The following SF3B6 variants were observed in gnomAD, a reference collection of about 807,000 sequenced individuals.
SF3B6 encodes the protein splicing factor 3b subunit 6.
In SF3B6, 3 loss-of-function variants were observed where a neutral mutation model predicts 15.9. The observed-to-expected ratio is 0.19, with a 90% CI of 0.09 to 0.49. The LOEUF (loss-of-function observed/expected upper bound fraction) is 0.49. Among genes scored for constraint, SF3B6 ranks in the 20% least tolerant of loss-of-function variants. SF3B6 has a pLI of 0.97. For missense variants in SF3B6, 71 were observed against 154.3 expected, an observed-to-expected ratio of 0.46 and a Z score of 2.86; for synonymous variants, 49 against 51.1, an observed-to-expected ratio of 0.96 and a Z score of 0.18.
In SF3B6 at chr2:24,072,555, A is replaced by G. The variant is rs111713272; in HGVS notation, c.149+1521T>C. ...AAAGTACCTTCACAGACACTGTGTA[A>G]TTTCATCCAAATTAAAATTCTTTTA... On this transcript the variant is annotated intron_variant, in intron 2 of 3. Coordinates refer to ENST00000233468, the MANE Select transcript of SF3B6 (RefSeq NM_016047.4). 2.1e-3 allele frequency among the ~76,000 whole-genome samples: 319 copies of G among 152,356 alleles called. 1 individual carries two copies. The highest frequency in any genetic ancestry group is 7.4e-3 in the African/African-American group (308 of 41,586).
chr2:24,068,527 C>G, intron 2 of SF3B6, 68 bp from the exon 3 acceptor site: 1 of 1,412,734 alleles, frequency 7.1e-7, no homozygotes, highest in Non-Finnish European at 9.6e-7. Context: ...ACTTACAGAA[C>G]TGTCTTTTAA....
At chr2:24,072,845 G>T (rs13421574) in intron 2 of SF3B6, among the ~76,000 whole-genome samples, 17,787 of 152,234 alleles carry the variant, frequency 0.12, 1,243 homozygotes, top group South Asian at 0.18. Flanking sequence ...GATCCCCAAG[G>T]CAGGGATTCG....
intron 2 of SF3B6, among the ~76,000 whole-genome samples, chr2:24,071,442 T>C (rs956682575): frequency 2.0e-5 from 3 of 152,018 alleles, no homozygotes; most frequent in South Asian, 2.1e-4. Flanking sequence ...CCATCTCTAC[T>C]AAAAATACAA....
chr2:24,070,955 A>C (rs1385389026), intron 2 of SF3B6, among the ~76,000 whole-genome samples: 1 of 152,218 alleles, frequency 6.6e-6, no homozygotes, highest in Non-Finnish European at 1.5e-5. Context: ...ATATTCAGGC[A>C]GTAGAAAGAC....
rs749047644 is a variant in SF3B6 at position 24,068,472 on chromosome 2, G to C, written c.150-13C>G. On this transcript the variant is annotated splice_polypyrimidine_tract_variant and intron_variant, in intron 2 of 3. Coordinates refer to ENST00000233468, the MANE Select transcript of SF3B6 (RefSeq NM_016047.4). ...AGGTGTGTTCCCCCTGGAGAGGTAA[G>C]TTAAACTTAATTAAGATATACATTT... is the stretch of plus-strand genomic sequence containing the variant. 1.3e-6 allele frequency: 2 copies of C among 1,597,992 alleles called. No individual in the cohort carries two copies. The highest frequency in any genetic ancestry group is 1.7e-6 in the Non-Finnish European group (2 of 1,172,484).
intron 2 of SF3B6, among the ~76,000 whole-genome samples, chr2:24,071,301 T>G (rs926807230): frequency 2.0e-5 from 3 of 152,200 alleles, no homozygotes; most frequent in African/African-American, 4.8e-5. Flanking sequence ...CTGAAATAAT[T>G]ATAAATCTTA....
intron 2 of SF3B6, among the ~76,000 whole-genome samples, chr2:24,073,226 T>C (rs1465133972): frequency 6.6e-6 from 1 of 152,214 alleles, no homozygotes; most frequent in African/African-American, 2.4e-5. Context: ...ATAAAAACTT[T>C]ATACGTAGTC....
rs976017132 is a variant in SF3B6, at chr2:24,067,687, G to T, written c.*75C>A. ...CTCAAATAAGAAATCACAATATTTAGTATTAATTAAAAAGGAAAAAAAGGT... is the reference window on the plus strand; with the variant it reads ...CTCAAATAAGAAATCACAATATTTATTATTAATTAAAAAGGAAAAAAAGGT... On this transcript the variant is annotated 3_prime_UTR_variant, in exon 4 of 4. Transcript: ENST00000233468. 1 of 1,168,050 alleles carries T rather than the reference G, an allele frequency of 8.6e-7. No homozygotes were observed. The highest frequency in any genetic ancestry group is 1.5e-5 in the African/African-American group (1 of 65,248). The allele number at this position is 1,168,050 out of a possible 1,614,324, so 72.4% of individuals were successfully genotyped here.
chr2:24,068,206 G>A lies in SF3B6; in HGVS notation c.288+115C>T, dbSNP rs181138731. ...TCTCGATCTCCTGACCTCGTGATCC[G>A]CCCACCTCGGCCTCCCAAAATGCTG... is the stretch of plus-strand genomic sequence containing the variant. On this transcript the variant is annotated intron_variant, in intron 3 of 3. Coordinates refer to ENST00000233468, the MANE Select transcript of SF3B6 (RefSeq NM_016047.4). 3.7e-4 allele frequency: 372 copies of A among 992,550 alleles called. 1 individual carries two copies. The African/African-American group carries it at 5.0e-3, about 13-fold the overall frequency. The allele number at this position is 992,550 out of a possible 1,614,324, so 61.5% of individuals were successfully genotyped here. A position where few individuals can be genotyped will look rare whatever the true frequency, so the allele number is the denominator to read the frequency against.
chr2:24,075,649 G>C (rs891253556), intron 1 of SF3B6, among the ~76,000 whole-genome samples: 7 of 151,692 alleles, frequency 4.6e-5, no homozygotes, highest in African/African-American at 1.7e-4. Context: ...AGAAGGACTT[G>C]TTTTATTCAC....
intron 2 of SF3B6, 53 bp downstream of exon 2, chr2:24,074,023 C>G (rs1208472692): frequency 5.1e-6 from 6 of 1,174,132 alleles, no homozygotes; most frequent in Non-Finnish European, 7.7e-6. Context: ...AGCTATAATT[C>G]TGAAATTACA....
chr2:24,068,738 T>A (rs937990603), intron 2 of SF3B6, among the ~76,000 whole-genome samples: 3 of 152,258 alleles, frequency 2.0e-5, no homozygotes, highest in Non-Finnish European at 4.4e-5. Flanking sequence ...ACATCAGGAA[T>A]ACTAAGAACA....
intron 2 of SF3B6, among the ~76,000 whole-genome samples, chr2:24,070,053 ACT>A (rs1316467294): frequency 1.3e-5 from 2 of 151,994 alleles, no homozygotes; most frequent in African/African-American, 2.4e-5. Flanking sequence ...AAACAAAGCA[ACT>A]CTCTTTCTTC....
chr2:24,067,710 G>C lies in SF3B6; in HGVS notation c.*52C>G, dbSNP rs962093824. 1 of 1,417,998 alleles carries C rather than the reference G, an allele frequency of 7.1e-7. No individual in the cohort carries two copies. The highest frequency in any genetic ancestry group is 1.2e-5 in the South Asian group (1 of 82,498). The allele number at this position is 1,417,998 out of a possible 1,614,324, so 87.8% of individuals were successfully genotyped here. On this transcript the variant is annotated 3_prime_UTR_variant, in exon 4 of 4. Coordinates refer to ENST00000233468, the MANE Select transcript of SF3B6 (RefSeq NM_016047.4). The stretch of plus-strand genomic sequence containing the variant: ...TAGTATTAATTAAAAAGGAAAAAAA[G>C]GTGGTAGTTGTCATTCGTGGGATTT...
rs1186221593 is a variant in SF3B6, at chr2:24,075,334, TTTC to T, written c.30+863_30+865del. Among the ~76,000 whole-genome samples the T allele has an allele frequency of 3.0e-4, 7 of 23,224 alleles. No homozygotes were observed. The East Asian group carries it at 0.041, about 136-fold the overall frequency. 15.2% of individuals were successfully genotyped at this position (23,224 alleles called of 152,430 possible). ...ATATACAATGGTCAATTGCTTGTCT[TTTC>T]TTTCTTTCTTTCTTTCTTTCTGTTT... On this transcript the variant is annotated intron_variant, in intron 1 of 3. Transcript: ENST00000233468.
intron 2 of SF3B6, among the ~76,000 whole-genome samples, chr2:24,069,501 G>A (rs1026821826): frequency 2.6e-5 from 4 of 152,194 alleles, no homozygotes; most frequent in Non-Finnish European, 5.9e-5. Flanking sequence ...CAGGCTCTGG[G>A]TGACAAGATG....
intron 2 of SF3B6, among the ~76,000 whole-genome samples, chr2:24,071,535 G>A (rs563541725): frequency 8.7e-4 from 132 of 152,264 alleles, no homozygotes; most frequent in Non-Finnish European, 1.1e-3. Context: ...AACCTGGGAG[G>A]CGGAGTTTGC....
At chr2:24,072,130 C>T (rs1414332689) in intron 2 of SF3B6, among the ~76,000 whole-genome samples, 3 of 151,922 alleles carry the variant, frequency 2.0e-5, no homozygotes, top group Non-Finnish European at 4.4e-5. Context: ...GCATTACAGG[C>T]GCGTGCCACC....
chr2:24,073,909 T>A, intron 2 of SF3B6, 167 bp downstream of exon 2: 1 of 554,994 alleles, frequency 1.8e-6, no homozygotes, highest in Non-Finnish European at 3.2e-6. Flanking sequence ...GTAGGTTTTC[T>A]CCCCCCTTCA....
Sources: allele counts gnomAD v4.1 joint callset (sites outside exome capture counted in the v4.1 genomes callset), GRCh38; gene constraint gnomAD v4.1.1; transcripts MANE v1.5; gene names NCBI Gene and HGNC (gene_info 2026-07-23, HGNC 2026-07-21).